Variants in SHROOM3 observed in about 807,000 individuals in gnomAD.
SHROOM3 encodes protein Shroom3.
Under a neutral mutation model 138.6 loss-of-function variants are expected in SHROOM3, and 47 were observed. The ratio of observed to expected loss-of-function variants is 0.34; its 90% CI spans 0.27 to 0.43. The LOEUF (loss-of-function observed/expected upper bound fraction) is 0.43. Among genes scored for constraint, SHROOM3 ranks in the 20% least tolerant of loss-of-function variants. SHROOM3 has a pLI of 1.00. For synonymous variants in SHROOM3, 1,062 were observed against 1,063.3 expected, an observed-to-expected ratio of 1.00 and a Z score of 0.02; for missense variants, 2,491 against 2,596.5, an observed-to-expected ratio of 0.96 and a Z score of 0.88.
intron 2 of SHROOM3, among the ~76,000 whole-genome samples, chr4:76,595,276 GT>G (rs1734356367): frequency 6.6e-6 from 1 of 152,158 alleles, no homozygotes; most frequent in African/African-American, 2.4e-5. Context: ...GGATTACATA[GT>G]TGTTCATTTC....
chr4:76,699,554 C>T (rs1719845188), intron 2 of SHROOM3, among the ~76,000 whole-genome samples: 2 of 152,196 alleles, frequency 1.3e-5, no homozygotes, highest in Admixed American at 6.5e-5. Flanking sequence ...ATGTTTCCTG[C>T]TATAATAGGG....
chr4:76,764,211 A>G (rs181189334), intron 9 of SHROOM3, among the ~76,000 whole-genome samples: 55 of 152,340 alleles, frequency 3.6e-4, no homozygotes, highest in South Asian at 1.0e-3. Context: ...TGAAACTTCC[A>G]TTGTCTGAAC....
At chr4:76,680,500 G>A (rs994943037) in intron 2 of SHROOM3, among the ~76,000 whole-genome samples, 9 of 151,964 alleles carry the variant, frequency 5.9e-5, no homozygotes, top group Non-Finnish European at 1.3e-4. Context: ...ATTTTGCTCG[G>A]GGACCAAAAT....
At chr4:76,529,187 A>G (rs764058739) in intron 1 of SHROOM3, among the ~76,000 whole-genome samples, 1 of 152,166 alleles carries the variant, frequency 6.6e-6, no homozygotes, top group Non-Finnish European at 1.5e-5. Context: ...ATGTTTCTGG[A>G]AACATGGAGG....
At chr4:76,584,963 G>A (rs1431531922) in intron 2 of SHROOM3, among the ~76,000 whole-genome samples, 1 of 152,100 alleles carries the variant, frequency 6.6e-6, no homozygotes, top group African/African-American at 2.4e-5. Flanking sequence ...TCCCACATTT[G>A]CCTCAATTTC....
intron 2 of SHROOM3, among the ~76,000 whole-genome samples, chr4:76,621,745 G>T (rs1735010901): frequency 6.6e-6 from 1 of 152,108 alleles, no homozygotes; most frequent in Middle Eastern, 3.4e-3. Flanking sequence ...TTTCAGAACT[G>T]CATATTCAGC....
At chr4:76,542,463 C>T (rs1461873614) in intron 1 of SHROOM3, among the ~76,000 whole-genome samples, 1 of 152,166 alleles carries the variant, frequency 6.6e-6, no homozygotes, top group East Asian at 1.9e-4. Flanking sequence ...GGGAGATTCT[C>T]CTAGATTATC....
At chr4:76,773,895 C>T (rs1722455877) in intron 10 of SHROOM3, among the ~76,000 whole-genome samples, 1 of 152,160 alleles carries the variant, frequency 6.6e-6, no homozygotes, top group South Asian at 2.1e-4. Flanking sequence ...TTACCACAGT[C>T]ATACACTAGA....
intron 2 of SHROOM3, among the ~76,000 whole-genome samples, chr4:76,696,342 C>T (rs1414755343): frequency 6.6e-6 from 1 of 152,228 alleles, no homozygotes; most frequent in Non-Finnish European, 1.5e-5. Flanking sequence ...TGTCGGTTCC[C>T]ATGGTTACCT....
chr4:76,681,625 G>GTGTGTGTGTGTGTGTGTGTGTGTA lies in SHROOM3; in HGVS notation c.324-28522_324-28521insGTGTGTGTGTGTGTATGTGTGTGT, dbSNP rs150048957. Among the ~76,000 whole-genome samples, 78 of 117,926 alleles carry GTGTGTGTGTGTGTGTGTGTGTGTA rather than the reference G, an allele frequency of 6.6e-4. 1 individual carries two copies. Among genetic ancestry groups the GTGTGTGTGTGTGTGTGTGTGTGTA allele is most frequent in the African/African-American group, 2.3e-3 (66 of 28,324 alleles). The allele number at this position is 117,926 out of a possible 152,430, so 77.4% of individuals were successfully genotyped here. On this transcript the variant is annotated intron_variant, in intron 2 of 10. Coordinates refer to ENST00000296043, the MANE Select transcript of SHROOM3 (RefSeq NM_020859.4). ...TGTGTGTGTGTGTGTGTGTGTGTGT[G>GTGTGTGTGTGTGTGTGTGTGTGTA]TGTGTGTGTATGTGTCTGGATGAGA...
At chr4:76,532,619 T>C (rs1216393654) in intron 1 of SHROOM3, among the ~76,000 whole-genome samples, 1 of 152,172 alleles carries the variant, frequency 6.6e-6, no homozygotes, top group Non-Finnish European at 1.5e-5. Context: ...TCAACACTTA[T>C]CACACACTGT....
At chr4:76,762,446 A>G (rs1308236980) in intron 9 of SHROOM3, among the ~76,000 whole-genome samples, 1 of 152,166 alleles carries the variant, frequency 6.6e-6, no homozygotes, top group Non-Finnish European at 1.5e-5. Flanking sequence ...TTCTCTCTTC[A>G]CTGTGGAAAA....
chr4:76,739,442 G>T lies in SHROOM3; in HGVS notation c.1269G>T (p.Leu423=). 1 of 1,614,208 alleles carries T rather than the reference G, an allele frequency of 6.2e-7. No individual in the cohort carries two copies. Among genetic ancestry groups the T allele is most frequent in the Non-Finnish European group, 8.5e-7 (1 of 1,180,042 alleles). ...CTCAGGCAAACTCTTTAGGCTCCCT[G>T]AAGTCTCCATTCATAGAGGAGCAGC... ...CRPQANSLGS[L]KSPFIEEQLH... is the part of the protein sequence containing the mutation. Residue 423 remains leucine (L), a synonymous_variant, in exon 5 of 11, where the codon CTG becomes CTT. Transcript: ENST00000296043.
chr4:76,584,224 AG>A (rs1734104945), intron 2 of SHROOM3, among the ~76,000 whole-genome samples: 1 of 152,144 alleles, frequency 6.6e-6, no homozygotes, highest in African/African-American at 2.4e-5. Flanking sequence ...AGGCTGAGGC[AG>A]GAGAATCTCT....
chr4:76,648,466 T>C (rs1735883157), intron 2 of SHROOM3, among the ~76,000 whole-genome samples: 2 of 151,986 alleles, frequency 1.3e-5, no homozygotes, highest in South Asian at 4.2e-4. Flanking sequence ...TTTATGCCAG[T>C]GATTCTTTGA....
intron 2 of SHROOM3, among the ~76,000 whole-genome samples, chr4:76,563,550 G>T (rs1733641070): frequency 6.6e-6 from 1 of 152,254 alleles, no homozygotes; most frequent in South Asian, 2.1e-4. Flanking sequence ...GTGTTTTTTT[G>T]TTCCAAGGAC....
In SHROOM3 at chr4:76,676,833, C is replaced by T. The variant is rs373506051; in HGVS notation, c.324-33323C>T. Among the ~76,000 whole-genome samples the T allele has an allele frequency of 9.2e-5, 14 of 151,518 alleles. 1 individual carries two copies. In the South Asian group the frequency reaches 2.9e-3, roughly 32 times the overall value. On this transcript the variant is annotated intron_variant, in intron 2 of 10. Coordinates refer to ENST00000296043, the MANE Select transcript of SHROOM3 (RefSeq NM_020859.4). ...TGGCCGGCGCCTGTAGTCCCAGCTA[C>T]TCGGGAGGCTGAGGCAGGAGAATGG...
chr4:76,508,113 G>A (rs13141862), intron 1 of SHROOM3, among the ~76,000 whole-genome samples: 45,190 of 151,862 alleles, frequency 0.3, 7,585 homozygotes, highest in African/African-American at 0.44. Flanking sequence ...TTTTGTAATC[G>A]TATTCGAGAA....
At chr4:76,635,279 G>A (rs950324887) in intron 2 of SHROOM3, among the ~76,000 whole-genome samples, 3 of 152,058 alleles carry the variant, frequency 2.0e-5, no homozygotes, top group Admixed American at 6.6e-5. Flanking sequence ...CTAACTCAAG[G>A]GTCACTCACT....
Sources: allele counts gnomAD v4.1 joint callset (sites outside exome capture counted in the v4.1 genomes callset), GRCh38; gene constraint gnomAD v4.1.1; transcripts MANE v1.5; gene names NCBI Gene and HGNC (gene_info 2026-07-23, HGNC 2026-07-21).